Variants in GRID2 observed in about 807,000 individuals in gnomAD.
The protein encoded by GRID2 is glutamate receptor ionotropic, delta-2.
A neutral mutation model predicts 114.8 loss-of-function variants in GRID2; 33 were observed. That is an observed-to-expected ratio of 0.29 (90% CI 0.22 to 0.38). The LOEUF (loss-of-function observed/expected upper bound fraction) is 0.38. Ranked by LOEUF, GRID2 falls within the 10% of genes least tolerant of loss-of-function variation. The pLI is 1.00. For synonymous variants in GRID2, 505 were observed against 449.9 expected (o/e 1.12, Z -1.55); for missense variants, 1,184 against 1,257.7 (o/e 0.94, Z 0.89).
At chr4:92,997,206 G>A (rs1755255461) in intron 2 of GRID2, among the ~76,000 whole-genome samples, 1 of 152,162 alleles carries the variant, frequency 6.6e-6, no homozygotes, top group African/African-American at 2.4e-5. Flanking sequence ...ATCATTATGT[G>A]TCAAGGCTGT....
chr4:93,332,233 G>A (rs1057412106), intron 8 of GRID2, among the ~76,000 whole-genome samples: 1 of 150,014 alleles, frequency 6.7e-6, no homozygotes, highest in Non-Finnish European at 1.5e-5. Context: ...GATAAGAGAA[G>A]TTAAAAGCCA....
chr4:92,877,084 T>A (rs552204941), intron 2 of GRID2, among the ~76,000 whole-genome samples: 16 of 152,308 alleles, frequency 1.1e-4, no homozygotes, highest in South Asian at 6.2e-4. Flanking sequence ...CAAATTTTTT[T>A]AAAAAACTCT....
chr4:93,074,836 A>G (rs567222711), intron 2 of GRID2, among the ~76,000 whole-genome samples: 1 of 152,326 alleles, frequency 6.6e-6, no homozygotes, highest in East Asian at 1.9e-4. Context: ...GGGGAATATT[A>G]CAAACACCTT....
chr4:93,593,257 C>G (rs1252346665), intron 13 of GRID2, among the ~76,000 whole-genome samples: 2 of 145,498 alleles, frequency 1.4e-5, no homozygotes, highest in Non-Finnish European at 3.1e-5. Flanking sequence ...CTGGTGGTGA[C>G]AAAATCTTTC....
At chr4:93,163,354 GTGTATATA>G (rs1737876107) in intron 4 of GRID2, among the ~76,000 whole-genome samples, 1 of 28,506 alleles carries the variant, frequency 3.5e-5, no homozygotes, top group African/African-American at 2.0e-4. Flanking sequence ...TTTTTTTTTT[GTGTATATA>G]TATATATATA....
rs1553999494 is a variant in GRID2 at position 93,163,396 on chromosome 4, A to ATATATATG, written c.736-44004_736-44003insTATGTATA. Reference sequence around the variant, plus strand: ...TATATATATATATATATATATATATATATACACTATATATATACATACATG... The same window carrying ATATATATG: ...TATATATATATATATATATATATATATATATATGTATACACTATATATATACATACATG... On this transcript the variant is annotated intron_variant, in intron 4 of 15. Coordinates refer to ENST00000282020, the MANE Select transcript of GRID2 (RefSeq NM_001510.4). Among the ~76,000 whole-genome samples, 17 of 41,824 alleles carry ATATATATG rather than the reference A, an allele frequency of 4.1e-4. 1 individual carries two copies. The highest frequency in any genetic ancestry group is 1.5e-3 in the African/African-American group (17 of 10,970). The allele number at this position is 41,824 out of a possible 152,430, so 27.4% of individuals were successfully genotyped here. A position where few individuals can be genotyped will look rare whatever the true frequency, so the allele number is the denominator to read the frequency against.
intron 1 of GRID2, among the ~76,000 whole-genome samples, chr4:92,328,933 GA>G (rs1396104945): frequency 6.6e-6 from 1 of 151,822 alleles, no homozygotes; most frequent in Non-Finnish European, 1.5e-5. Context: ...ATTTTTAGCA[GA>G]AAAGAGAAGA....
chr4:93,380,952 T>C (rs915244618), intron 8 of GRID2, among the ~76,000 whole-genome samples: 1 of 152,112 alleles, frequency 6.6e-6, no homozygotes, highest in Non-Finnish European at 1.5e-5. Flanking sequence ...ATCATTTGCA[T>C]GTCTGGGGCT....
chr4:92,610,916 A>G (rs1016463850), intron 2 of GRID2, among the ~76,000 whole-genome samples: 1 of 151,668 alleles, frequency 6.6e-6, no homozygotes, highest in Non-Finnish European at 1.5e-5. Flanking sequence ...ATAGTGTTCT[A>G]TTATAGGGAT....
chr4:92,346,488 C>A (rs1052714989), intron 1 of GRID2, among the ~76,000 whole-genome samples: 2 of 152,126 alleles, frequency 1.3e-5, no homozygotes, highest in African/African-American at 4.8e-5. Flanking sequence ...CCTCAGCCCC[C>A]ACAAGTAGCT....
intron 13 of GRID2, among the ~76,000 whole-genome samples, chr4:93,589,181 C>T (rs1737873301): frequency 6.7e-6 from 1 of 149,312 alleles, no homozygotes; most frequent in South Asian, 2.2e-4. Flanking sequence ...AGGTATATCT[C>T]CCAATGCTAT....
At chr4:93,172,306 G>A (rs985210018) in intron 4 of GRID2, among the ~76,000 whole-genome samples, 1 of 152,090 alleles carries the variant, frequency 6.6e-6, no homozygotes, top group Non-Finnish European at 1.5e-5. Flanking sequence ...AAAATAATGA[G>A]AATTGGCCAG....
chr4:93,563,273 A>C (rs1465205744), intron 13 of GRID2, among the ~76,000 whole-genome samples: 1 of 151,978 alleles, frequency 6.6e-6, no homozygotes, highest in Non-Finnish European at 1.5e-5. Flanking sequence ...CATTGTTTCC[A>C]TTTATAATAT....
chr4:92,800,392 A>C (rs1740094818), intron 2 of GRID2, among the ~76,000 whole-genome samples: 1 of 151,982 alleles, frequency 6.6e-6, no homozygotes, highest in Non-Finnish European at 1.5e-5. Context: ...TAAGAAATAA[A>C]AATATTGAAC....
At chr4:93,716,682 A>G (rs182785888) in intron 14 of GRID2, among the ~76,000 whole-genome samples, 6,399 of 152,048 alleles carry the variant, frequency 0.042, 219 homozygotes, top group African/African-American at 0.084. Flanking sequence ...TATACATATG[A>G]TATACCTTTT....
chr4:92,581,776 A>C (rs1294837887), intron 1 of GRID2, among the ~76,000 whole-genome samples: 1 of 152,134 alleles, frequency 6.6e-6, no homozygotes, highest in Non-Finnish European at 1.5e-5. Flanking sequence ...AACAGAATTT[A>C]AAGGTGTCTG....
chr4:93,330,519 T>C (rs540579290), intron 8 of GRID2, among the ~76,000 whole-genome samples: 1 of 152,302 alleles, frequency 6.6e-6, no homozygotes, highest in African/African-American at 2.4e-5. Flanking sequence ...TATTTAGTAT[T>C]TGTTTTAACA....
At chr4:93,012,428 A>G (rs1722271513) in intron 2 of GRID2, among the ~76,000 whole-genome samples, 1 of 152,100 alleles carries the variant, frequency 6.6e-6, no homozygotes, top group Non-Finnish European at 1.5e-5. Context: ...CCACACCAAA[A>G]TAAAATCTAT....
At chr4:92,862,173 A>G (rs1163836697) in intron 2 of GRID2, among the ~76,000 whole-genome samples, 1 of 152,010 alleles carries the variant, frequency 6.6e-6, no homozygotes, top group South Asian at 2.1e-4. Context: ...GACCTTTCTA[A>G]CATTTTGGGA....
Sources: allele counts gnomAD v4.1 joint callset (sites outside exome capture counted in the v4.1 genomes callset), GRCh38; gene constraint gnomAD v4.1.1; transcripts MANE v1.5; gene names NCBI Gene and HGNC (gene_info 2026-07-23, HGNC 2026-07-21).